MALRD1: variants seen among roughly 807,000 people sequenced by gnomAD.
The protein encoded by MALRD1 is MAM and LDL-receptor class A domain-containing protein 1.
A neutral mutation model predicts 242.1 loss-of-function variants in MALRD1; 247 were observed. The observed-to-expected ratio is 1.02, with a 90% CI of 0.92 to 1.13. The LOEUF is 1.13. MALRD1 is among the 50% of genes most tolerant of loss of function. The pLI is 0.00. For synonymous variants in MALRD1, 995 were observed against 866.6 expected, an observed-to-expected ratio of 1.15 and a Z score of -2.60; for missense variants, 2,989 against 2,533.1, an observed-to-expected ratio of 1.18 and a Z score of -3.86.
chr10:19,382,363 AGT>A lies in MALRD1; in HGVS notation c.4442-5155_4442-5154del, dbSNP rs61201600. On this transcript the variant is annotated intron_variant, in intron 26 of 39. Coordinates refer to ENST00000454679, the MANE Select transcript of MALRD1 (RefSeq NM_001142308.3). The stretch of plus-strand genomic sequence containing the variant: ...AAGCGTGTGTGTGTGTGTATGTGTG[AGT>A]GTGTGTGTGCATGTGTGTCTTAGAG... Among the ~76,000 whole-genome samples the A allele has an allele frequency of 2.0e-5, 3 of 151,594 alleles. No individual in the cohort carries two copies. The South Asian group carries it at 6.2e-4, about 32-fold the overall frequency.
chr10:19,526,394 A>C (rs1024696742), intron 31 of MALRD1, among the ~76,000 whole-genome samples: 1 of 150,182 alleles, frequency 6.7e-6, no homozygotes, highest in Admixed American at 6.6e-5. Context: ...ATGTCATCAC[A>C]AAAGTTCATC....
At chr10:19,559,103 A>G (rs751967719) in intron 32 of MALRD1, among the ~76,000 whole-genome samples, 48 of 152,056 alleles carry the variant, frequency 3.2e-4, no homozygotes, top group Admixed American at 5.9e-4. Flanking sequence ...GAATCGCTTG[A>G]ACCTGGGAGG....
chr10:19,723,023 G>A (rs143204462), intron 38 of MALRD1, among the ~76,000 whole-genome samples: 178 of 152,168 alleles, frequency 1.2e-3, no homozygotes, highest in Admixed American at 2.0e-3. Context: ...GATAAGTAAC[G>A]TTTAAAAATT....
chr10:19,573,131 C>T (rs1455817573), intron 33 of MALRD1, among the ~76,000 whole-genome samples: 3 of 152,138 alleles, frequency 2.0e-5, no homozygotes, highest in African/African-American at 7.2e-5. Context: ...GGGAAGGGAC[C>T]CCACTGAGCC....
chr10:19,306,177 G>T (rs1219530917), intron 21 of MALRD1, among the ~76,000 whole-genome samples: 1 of 121,612 alleles, frequency 8.2e-6, no homozygotes, highest in Non-Finnish European at 1.7e-5. Flanking sequence ...ATACAGAATT[G>T]GTTGAATGCT....
At chr10:19,403,998 T>G (rs145980813) in intron 28 of MALRD1, among the ~76,000 whole-genome samples, 1,793 of 152,248 alleles carry the variant, frequency 0.012, 22 homozygotes, top group South Asian at 0.02. Flanking sequence ...ATTAAACACG[T>G]TAAGCTTTTT....
At chr10:19,412,127 T>A (rs4576721) in intron 28 of MALRD1, among the ~76,000 whole-genome samples, 1 of 152,030 alleles carries the variant, frequency 6.6e-6, no homozygotes, top group Non-Finnish European at 1.5e-5. Context: ...GGTGAAACCC[T>A]GTCTCTACTA....
At chr10:19,540,866 G>A (rs1214981646) in intron 32 of MALRD1, among the ~76,000 whole-genome samples, 6 of 152,176 alleles carry the variant, frequency 3.9e-5, no homozygotes, top group African/African-American at 1.4e-4. Context: ...TGTAATCCCA[G>A]CACTTTGGGA....
chr10:19,155,245 T>C lies in MALRD1; in HGVS notation c.1656+73T>C, dbSNP rs1320172911. 3 of 782,208 alleles carry C rather than the reference T, an allele frequency of 3.8e-6. No homozygotes were observed. In the East Asian group the frequency reaches 1.0e-4, roughly 26 times the overall value. 48.5% of individuals were successfully genotyped at this position (782,208 alleles called of 1,614,324 possible). ...CGCTGAGCTTGGGTTACTCTGCTAG[T>C]AATTGCCCGCCATGTTTTACTAGCA... On this transcript the variant is annotated intron_variant, in intron 12 of 39. Transcript: ENST00000454679.
intron 33 of MALRD1, among the ~76,000 whole-genome samples, chr10:19,592,053 C>A (rs998288884): frequency 2.0e-5 from 3 of 152,138 alleles, no homozygotes; most frequent in Admixed American, 2.0e-4. Flanking sequence ...TCATGTTCAC[C>A]CTACATCAGA....
intron 13 of MALRD1, among the ~76,000 whole-genome samples, chr10:19,171,415 T>TTA (rs1365010996): frequency 3.0e-5 from 3 of 101,524 alleles, no homozygotes; most frequent in East Asian, 3.3e-4. Context: ...TCACAACATT[T>TTA]TATATTTTAT....
At chr10:19,213,207 G>A (rs1837152492) in intron 18 of MALRD1, among the ~76,000 whole-genome samples, 1 of 151,874 alleles carries the variant, frequency 6.6e-6, no homozygotes, top group African/African-American at 2.4e-5. Context: ...CCTCTCCTTT[G>A]GGAACTGAGA....
chr10:19,624,878 G>GAAAAAAAAAAAAAAAA (rs145042762), intron 36 of MALRD1, among the ~76,000 whole-genome samples: 1 of 119,948 alleles, frequency 8.3e-6, no homozygotes. Context: ...CTCAAAAAAG[G>GAAAAAAAAAAAAAAAA]AAAAAAAAAA....
At chr10:19,587,272 A>G (rs1356384560) in intron 33 of MALRD1, among the ~76,000 whole-genome samples, 1 of 152,170 alleles carries the variant, frequency 6.6e-6, no homozygotes, top group Admixed American at 6.5e-5. Context: ...ATCTTTTTGA[A>G]TGCTGTTACT....
chr10:19,443,320 T>A (rs537897550), intron 28 of MALRD1, among the ~76,000 whole-genome samples: 12 of 152,346 alleles, frequency 7.9e-5, no homozygotes, highest in African/African-American at 2.9e-4. Flanking sequence ...TTCTATCTCC[T>A]TCAGTTCTGC....
rs367550796 is a variant in MALRD1 at position 19,269,306 on chromosome 10, T to C, written c.3080-10741T>C. Among the ~76,000 whole-genome samples the C allele has an allele frequency of 5.3e-4, 81 of 152,352 alleles. 2 individuals carry two copies. Among genetic ancestry groups the C allele is most frequent in the African/African-American group, 1.9e-3 (81 of 41,586 alleles). ...GATGAGGTTCTTATAATGGGATTAG[T>C]GCTCTTACAAAAAGAGGATGAGACA... On this transcript the variant is annotated intron_variant, in intron 19 of 39. Transcript: ENST00000454679.
chr10:19,050,127 G>A (rs1211086114), intron 1 of MALRD1, among the ~76,000 whole-genome samples: 1 of 120,126 alleles, frequency 8.3e-6, no homozygotes, highest in Non-Finnish European at 1.6e-5. Flanking sequence ...TCGCTCTGTC[G>A]CCCAGGCTGG....
chr10:19,579,763 A>G (rs1419467542), intron 33 of MALRD1, among the ~76,000 whole-genome samples: 2 of 152,212 alleles, frequency 1.3e-5, no homozygotes, highest in Non-Finnish European at 2.9e-5. Context: ...GCGTTGGAGA[A>G]CCATTTTTGA....
rs769269357 is a variant in MALRD1, at chr10:19,389,574, G to A, written c.4810G>A (p.Ala1604Thr). ...CTMSFWYFVS[A>T]KATGSIQILI... ...CATGAGCTTCTGGTATTTCGTATCT[G>A]CAAAGGCCACAGGATCCATTCAGAT... is the stretch of plus-strand genomic sequence containing the variant. Residue 1604 changes from alanine (A) to threonine (T), a missense_variant, in exon 28 of 40, where the codon GCA becomes ACA. Coordinates refer to ENST00000454679, the MANE Select transcript of MALRD1 (RefSeq NM_001142308.3). 1.9e-6 allele frequency: 3 copies of A among 1,550,644 alleles called. No homozygotes were observed. The highest frequency in any genetic ancestry group is 1.7e-6 in the Non-Finnish European group (2 of 1,146,950).
Sources: gnomAD v4.1 joint callset for allele counts (sites outside exome capture counted in the v4.1 genomes callset) on GRCh38, gnomAD v4.1.1 for gene constraint, MANE v1.5 for transcripts, NCBI Gene and HGNC (gene_info 2026-07-23, HGNC 2026-07-21) for gene names.